Variants in ITSN2 observed in about 807,000 individuals in gnomAD.
The protein encoded by ITSN2 is intersectin 2.
In ITSN2, 156 loss-of-function variants were observed where a neutral mutation model predicts 243.7. The ratio of observed to expected loss-of-function variants is 0.64; its 90% CI spans 0.56 to 0.73. ITSN2 has a LOEUF of 0.73. Ranked by LOEUF, ITSN2 falls within the 30% of genes least tolerant of loss-of-function variation. The probability of loss-of-function intolerance (pLI) is 0.00; values close to 1 mark genes in which losing one functional copy is unlikely to be tolerated. For missense variants in ITSN2, 1,801 were observed against 1,996.1 expected (o/e 0.90, Z 1.86); for synonymous variants, 703 against 699.9 (o/e 1.00, Z -0.07).
chr2:24,328,499 G>T lies in ITSN2; in HGVS notation c.-33-384C>A, dbSNP rs191390125. Among the ~76,000 whole-genome samples the T allele has an allele frequency of 7.3e-5, 11 of 150,872 alleles. No homozygotes were observed. The East Asian group carries it at 2.1e-3, about 29-fold the overall frequency. On this transcript the variant is annotated intron_variant, in intron 1 of 39. Coordinates refer to ENST00000355123, the MANE Select transcript of ITSN2 (RefSeq NM_006277.3). ...TTTTTTTTAAATAGAGTCTCACTCTGTCACCCAGGCTGGAGTGCAGTGGTG... is the reference window on the plus strand; with the variant it reads ...TTTTTTTTAAATAGAGTCTCACTCTTTCACCCAGGCTGGAGTGCAGTGGTG...
chr2:24,246,139 T>TG lies in ITSN2; in HGVS notation c.3566dup (p.Ser1190LysfsTer7). On this transcript the variant is annotated frameshift_variant, in exon 29 of 40. Coordinates refer to ENST00000355123, the MANE Select transcript of ITSN2 (RefSeq NM_006277.3). LOFTEE classifies it high-confidence loss of function. ...TTTAATATTACTCACACTGTTGACTTGGATCTGAGTCTGTCGTCATCTTAA... is the reference window on the plus strand; with the variant it reads ...TTTAATATTACTCACACTGTTGACTTGGGATCTGAGTCTGTCGTCATCTTAA... The TG allele has an allele frequency of 6.2e-7, 1 of 1,610,032 alleles. No individual in the cohort carries two copies. Among genetic ancestry groups the TG allele is most frequent in the Non-Finnish European group, 8.5e-7 (1 of 1,177,684 alleles).
At chr2:24,354,633 A>G (rs1274769107) in intron 1 of ITSN2, among the ~76,000 whole-genome samples, 1 of 152,246 alleles carries the variant, frequency 6.6e-6, no homozygotes, top group African/African-American at 2.4e-5. Context: ...AATTAAAGTA[A>G]CTTGCCCAAG....
intron 32 of ITSN2, 84 bp downstream of exon 32, chr2:24,215,965 G>T: frequency 3.0e-6 from 3 of 1,011,872 alleles, no homozygotes; most frequent in Non-Finnish European, 4.2e-6. Context: ...CTTCTCCATT[G>T]CTGGGATTCC....
intron 1 of ITSN2, among the ~76,000 whole-genome samples, chr2:24,330,182 T>G (rs1685612831): frequency 6.6e-6 from 1 of 152,234 alleles, no homozygotes; most frequent in Non-Finnish European, 1.5e-5. Context: ...TGGGATCCCA[T>G]GGACACAAGG....
intron 1 of ITSN2, among the ~76,000 whole-genome samples, chr2:24,338,677 C>T (rs1325292275): frequency 2.6e-5 from 4 of 152,146 alleles, no homozygotes; most frequent in Non-Finnish European, 5.9e-5. Flanking sequence ...ATTTATTCAT[C>T]AAACATGAAT....
chr2:24,298,408 A>C (rs986262092), intron 13 of ITSN2, among the ~76,000 whole-genome samples: 6 of 151,894 alleles, frequency 4.0e-5, no homozygotes, highest in Non-Finnish European at 8.8e-5. Context: ...CACCCACCTC[A>C]GCCTCCCAAA....
intron 22 of ITSN2, 99 bp from the exon 23 acceptor site, chr2:24,258,192 G>C (rs1574044235): frequency 1.2e-6 from 1 of 812,448 alleles, no homozygotes; most frequent in East Asian, 2.6e-5. Flanking sequence ...CAGCAGACCA[G>C]TTTTGTGTCG....
chr2:24,235,893 C>T (rs184951880), intron 29 of ITSN2, among the ~76,000 whole-genome samples: 5 of 152,226 alleles, frequency 3.3e-5, no homozygotes, highest in Admixed American at 1.3e-4. Flanking sequence ...TAACAGAAAG[C>T]CCTGTACACT....
chr2:24,258,227 T>A (rs1675318816), intron 22 of ITSN2, 134 bp from the exon 23 acceptor site: 2 of 641,138 alleles, frequency 3.1e-6, no homozygotes, highest in Non-Finnish European at 5.4e-6. Flanking sequence ...AACCTTAGTC[T>A]ACTAACTGAC....
At chr2:24,315,298 A>T (rs928925856) in intron 2 of ITSN2, 74 bp from the exon 3 acceptor site, 1 of 825,372 alleles carries the variant, frequency 1.2e-6, no homozygotes, top group African/African-American at 1.7e-5. Context: ...TGTAAATAGA[A>T]ATCACAAGTG....
intron 37 of ITSN2, among the ~76,000 whole-genome samples, chr2:24,206,950 G>C (rs145446310): frequency 2.3e-3 from 352 of 152,208 alleles, no homozygotes; most frequent in African/African-American, 8.1e-3. Flanking sequence ...ACTTGAGCTG[G>C]AGGGGGAGCT....
intron 17 of ITSN2, among the ~76,000 whole-genome samples, chr2:24,283,803 A>G (rs1574143183): frequency 6.6e-6 from 1 of 152,256 alleles, no homozygotes; most frequent in Non-Finnish European, 1.5e-5. Context: ...AGACTCTGTG[A>G]GGGAGAACAG....
chr2:24,246,932 G>C, intron 27 of ITSN2, 39 bp from the exon 28 acceptor site: 3 of 1,291,884 alleles, frequency 2.3e-6, no homozygotes, highest in Non-Finnish European at 3.3e-6. Flanking sequence ...TGAAAGATGA[G>C]ATTAAAAACA....
intron 29 of ITSN2, among the ~76,000 whole-genome samples, chr2:24,232,607 A>G (rs1671738395): frequency 6.6e-6 from 1 of 152,246 alleles, no homozygotes; most frequent in South Asian, 2.1e-4. Context: ...AATTCTAACA[A>G]TAAAAATAAC....
intron 31 of ITSN2, 138 bp from the exon 32 acceptor site, chr2:24,216,370 G>T: frequency 1.6e-6 from 1 of 644,214 alleles, no homozygotes. Context: ...GAGAACTCAA[G>T]AGGAAGAGGA....
chr2:24,330,082 C>T (rs564255573), intron 1 of ITSN2, among the ~76,000 whole-genome samples: 1 of 152,260 alleles, frequency 6.6e-6, no homozygotes, highest in South Asian at 2.1e-4. Flanking sequence ...TGGGAGAAAA[C>T]CCACTATTGC....
chr2:24,296,029 A>G (rs940111908), intron 13 of ITSN2, among the ~76,000 whole-genome samples: 2 of 152,212 alleles, frequency 1.3e-5, no homozygotes, highest in East Asian at 1.9e-4. Context: ...CCCATATGTT[A>G]GTATGGGAAA....
intron 29 of ITSN2, among the ~76,000 whole-genome samples, chr2:24,233,616 C>T (rs1166032915): frequency 6.6e-6 from 1 of 152,092 alleles, no homozygotes; most frequent in African/African-American, 2.4e-5. Context: ...TCAGACAACC[C>T]AAAGATTAGT....
chr2:24,339,238 C>T (rs1001123329), intron 1 of ITSN2, among the ~76,000 whole-genome samples: 6 of 152,096 alleles, frequency 3.9e-5, no homozygotes, highest in African/African-American at 1.4e-4. Context: ...CCTGTAATCC[C>T]AGCACTTTAG....
Sources: gnomAD v4.1 joint callset for allele counts (sites outside exome capture counted in the v4.1 genomes callset) on GRCh38, gnomAD v4.1.1 for gene constraint, MANE v1.5 for transcripts, NCBI Gene and HGNC (gene_info 2026-07-23, HGNC 2026-07-21) for gene names.